The following CHAT variants were observed in gnomAD, a reference collection of about 807,000 sequenced individuals.
The protein encoded by CHAT is acetyl CoA:choline O-acetyltransferase.
CHAT carries 61 observed loss-of-function variants against 76.9 expected under a neutral mutation model. That is an observed-to-expected ratio of 0.79 (90% CI 0.65 to 0.98). The LOEUF (loss-of-function observed/expected upper bound fraction) is 0.98. Ranked by LOEUF, CHAT falls within the 50% of genes least tolerant of loss-of-function variation. The pLI, the probability that CHAT is intolerant of heterozygous loss-of-function variation, is 0.00. For missense variants in CHAT, 946 were observed against 986.9 expected (o/e 0.96, Z 0.56); for synonymous variants, 407 against 397.4 (o/e 1.02, Z -0.29).
chr10:49,648,070 A>T lies in CHAT; in HGVS notation c.1282-437A>T. 2 of 231,030 alleles carry T rather than the reference A, an allele frequency of 8.7e-6. 1 individual carries two copies. Among genetic ancestry groups the T allele is most frequent in the South Asian group, 1.3e-4 (2 of 15,338 alleles). 14.3% of individuals were successfully genotyped at this position (231,030 alleles called of 1,614,324 possible). A position where few individuals can be genotyped will look rare whatever the true frequency, so the allele number is the denominator to read the frequency against. ...TGAGTTTGGGGAGAAGCTCTGTGGG[A>T]AGTGAGTTTCTTTGTAGAATGGGAG... is the stretch of plus-strand genomic sequence containing the variant. On this transcript the variant is annotated intron_variant, in intron 8 of 14. Coordinates refer to ENST00000337653, the MANE Select transcript of CHAT (RefSeq NM_020549.5).
intron 9 of CHAT, 135 bp downstream of exon 9, chr10:49,648,742 C>CACACAA: frequency 1.5e-6 from 1 of 664,986 alleles, no homozygotes. Flanking sequence ...CACACACACA[C>CACACAA]ACACACACAC....
chr10:49,662,870 A>G lies in CHAT; in HGVS notation c.1977+88A>G, dbSNP rs557998203. 5.4e-4 allele frequency: 816 copies of G among 1,512,714 alleles called. 6 individuals carry two copies. Among genetic ancestry groups the G allele is most frequent in the South Asian group, 3.4e-3 (303 of 88,794 alleles). The allele number at this position is 1,512,714 out of a possible 1,614,324, so 93.7% of individuals were successfully genotyped here. On this transcript the variant is annotated intron_variant, in intron 14 of 14. Transcript: ENST00000337653. ...GACAACAAGCCCACTAGCTGGAATC[A>G]GGCAAATCCTGCCTCTGCTTTTTCT...
chr10:49,612,343 C>T (rs1020740075), upstream of CHAT: 3 of 1,575,802 alleles, frequency 1.9e-6, no homozygotes, highest in Middle Eastern at 3.4e-4. Flanking sequence ...CAGCTAGCAT[C>T]CCCACTCCTC....
rs143290182 is a variant in CHAT, at chr10:49,622,533, G to C, written c.752+383G>C. On this transcript the variant is annotated intron_variant, in intron 5 of 14. Coordinates refer to ENST00000337653, the MANE Select transcript of CHAT (RefSeq NM_020549.5). ...CTTGGAGGAATGGTGTCTCCAGCGG[G>C]AGACTGTATCCTCAATCCCACCAAG... Among the ~76,000 whole-genome samples, 5 of 152,362 alleles carry C rather than the reference G, an allele frequency of 3.3e-5. No individual in the cohort carries two copies. In the East Asian group the frequency reaches 9.6e-4, roughly 29 times the overall value.
chr10:49,611,801 A>C (rs770647433), upstream of CHAT: 1 of 1,603,028 alleles, frequency 6.2e-7, no homozygotes, highest in Non-Finnish European at 8.5e-7. Context: ...CGCTACCCAC[A>C]CCTGCAGTGG....
At chr10:49,628,220 C>G (rs1838994769) in intron 7 of CHAT, among the ~76,000 whole-genome samples, 1 of 152,126 alleles carries the variant, frequency 6.6e-6, no homozygotes, top group Non-Finnish European at 1.5e-5. Flanking sequence ...TCCTGGGACT[C>G]TTCATCTTCA....
At chr10:49,641,161 G>A (rs553412072) in intron 7 of CHAT, among the ~76,000 whole-genome samples, 1 of 152,318 alleles carries the variant, frequency 6.6e-6, no homozygotes, top group Non-Finnish European at 1.5e-5. Context: ...GAGGACACCA[G>A]TTCTATTGGA....
chr10:49,632,543 C>T (rs1217227901), intron 7 of CHAT, among the ~76,000 whole-genome samples: 2 of 152,196 alleles, frequency 1.3e-5, no homozygotes, highest in African/African-American at 4.8e-5. Context: ...AGAGTCCAGG[C>T]AAGCACTCAC....
At chr10:49,640,176 T>G (rs1199297580) in intron 7 of CHAT, among the ~76,000 whole-genome samples, 1 of 152,078 alleles carries the variant, frequency 6.6e-6, no homozygotes, top group East Asian at 1.9e-4. Context: ...TTAATTTTAT[T>G]TATTTATTTA....
At chr10:49,629,269 TA>T (rs1338239518) in intron 7 of CHAT, among the ~76,000 whole-genome samples, 2 of 152,158 alleles carry the variant, frequency 1.3e-5, no homozygotes, top group African/African-American at 4.8e-5. Flanking sequence ...GAAGGGTGAT[TA>T]AAAATGCCAG....
intron 13 of CHAT, among the ~76,000 whole-genome samples, chr10:49,658,360 A>C (rs1304793987): frequency 6.6e-6 from 1 of 152,200 alleles, no homozygotes; most frequent in African/African-American, 2.4e-5. Context: ...TACTAAAAAT[A>C]CAAAAAATTA....
At position 49,651,879 on chromosome 10, in the gene CHAT, C is replaced by A. The variant is rs187862179; in HGVS notation, c.1512-5C>A. Reference sequence around the variant, plus strand: ...ATAAAAACATCTTTTCTTTTTCTTCCTCAGAATAGTAAAGAACCTTGACTT... The same window carrying A: ...ATAAAAACATCTTTTCTTTTTCTTCATCAGAATAGTAAAGAACCTTGACTT... On this transcript the variant is annotated splice_polypyrimidine_tract_variant and splice_region_variant and intron_variant, in intron 10 of 14. Coordinates refer to ENST00000337653, the MANE Select transcript of CHAT (RefSeq NM_020549.5). The A allele has an allele frequency of 2.0e-5, 32 of 1,613,392 alleles. No individual in the cohort carries two copies. In the East Asian group the frequency reaches 7.1e-4, roughly 36 times the overall value.
chr10:49,662,817 G>A, intron 14 of CHAT, 35 bp downstream of exon 14: 2 of 1,614,020 alleles, frequency 1.2e-6, no homozygotes, highest in Non-Finnish European at 1.7e-6. Flanking sequence ...CAAGAGTAGT[G>A]TAGTCAGTAA....
At chr10:49,649,911 A>G (rs1590612251) in intron 10 of CHAT, among the ~76,000 whole-genome samples, 1 of 133,730 alleles carries the variant, frequency 7.5e-6, no homozygotes, top group Non-Finnish European at 1.5e-5. Flanking sequence ...CACCTGACTG[A>G]GCAGAGTCAA....
chr10:49,620,462 G>T, intron 3 of CHAT, 33 bp from the exon 4 acceptor site: 1 of 1,435,376 alleles, frequency 7.0e-7, no homozygotes, highest in South Asian at 1.1e-5. Context: ...CTGTTTGGGG[G>T]GATGTGACGG....
intron 8 of CHAT, chr10:49,647,066 G>A: frequency 3.9e-6 from 1 of 255,152 alleles, no homozygotes; most frequent in East Asian, 9.0e-5. Context: ...AATCCTTAAT[G>A]CATGCTGAAA....
chr10:49,627,879 A>G (rs1590577412), intron 7 of CHAT, 94 bp downstream of exon 7: 2 of 1,417,962 alleles, frequency 1.4e-6, no homozygotes, highest in East Asian at 4.9e-5. Context: ...CCTCATCCCC[A>G]TCAGCCATAG....
intron 13 of CHAT, among the ~76,000 whole-genome samples, chr10:49,658,831 G>A (rs986549349): frequency 6.6e-6 from 1 of 152,114 alleles, no homozygotes; most frequent in Non-Finnish European, 1.5e-5. Context: ...ATATATGATA[G>A]GAAACTAAAA....
intron 13 of CHAT, among the ~76,000 whole-genome samples, chr10:49,655,717 C>G (rs1220969129): frequency 6.6e-6 from 1 of 152,168 alleles, no homozygotes. Context: ...ATAATAGCAC[C>G]TAATATGTAT....
Sources: allele counts gnomAD v4.1 joint callset (sites outside exome capture counted in the v4.1 genomes callset), GRCh38; gene constraint gnomAD v4.1.1; transcripts MANE v1.5; gene names NCBI Gene and HGNC (gene_info 2026-07-23, HGNC 2026-07-21).